Variants in ACTR10 observed in about 807,000 individuals in gnomAD.
The protein encoded by ACTR10 is actin-related protein 10.
In ACTR10, 43 loss-of-function variants were observed where a neutral mutation model predicts 56.2. That is an observed-to-expected ratio of 0.77 (90% confidence interval 0.60 to 0.99). ACTR10 has a LOEUF of 0.99. Ranked by LOEUF, ACTR10 falls within the 50% of genes least tolerant of loss-of-function variation. The pLI, the probability that ACTR10 is intolerant of heterozygous loss-of-function variation, is 0.00. For missense variants in ACTR10, 466 were observed against 507.8 expected (o/e 0.92, Z 0.79); for synonymous variants, 170 against 176.3 (o/e 0.96, Z 0.28).
At chr14:58,214,305 A>G (rs1487239273) in intron 6 of ACTR10, among the ~76,000 whole-genome samples, 1 of 152,080 alleles carries the variant, frequency 6.6e-6, no homozygotes, top group Non-Finnish European at 1.5e-5. Context: ...ACTTAACATA[A>G]TGATCTCCAG....
rs199506195 is a variant in ACTR10, at chr14:58,223,624, C to T, written c.637C>T (p.Arg213Cys). ...PEGVLEDIKARTCFVSDLKRG... is the reference protein window; with the variant it reads ...PEGVLEDIKACTCFVSDLKRG... ...AGGTCTCCTTTTCTTCCTTAAAGCG[C>T]GTACTTGCTTTGTAAGTGATCTGAA... The change falls in exon 9 of 13, where the codon CGT (arginine) becomes TGT (cysteine). Residue 213 changes from arginine to cysteine, a missense_variant and splice_region_variant. Arg to Cys is a radical substitution (Grantham distance 180). Transcript: ENST00000254286. 90 of 1,611,302 alleles carry T rather than the reference C, an allele frequency of 5.6e-5. No homozygotes were observed. Among genetic ancestry groups the T allele is most frequent in the African/African-American group, 1.1e-4 (8 of 74,782 alleles).
intron 11 of ACTR10, 42 bp downstream of exon 11, chr14:58,230,522 C>T (rs754547599): frequency 2.0e-6 from 2 of 1,020,754 alleles, no homozygotes; most frequent in Non-Finnish European, 1.4e-6. Flanking sequence ...TACCACAGTC[C>T]TTTAAATATA....
chr14:58,234,081 T>C (rs1446322765), intron 12 of ACTR10, among the ~76,000 whole-genome samples: 1 of 152,226 alleles, frequency 6.6e-6, no homozygotes, highest in East Asian at 1.9e-4. Context: ...GAAAATACTT[T>C]CACTCCACTC....
chr14:58,216,882 A>T (rs1384510193), intron 7 of ACTR10, among the ~76,000 whole-genome samples: 15 of 152,090 alleles, frequency 9.9e-5, no homozygotes, highest in Admixed American at 7.9e-4. Context: ...CCCCCAGGAG[A>T]CTTTGAGGAT....
intron 10 of ACTR10, among the ~76,000 whole-genome samples, chr14:58,228,117 A>T (rs1889442323): frequency 6.6e-6 from 1 of 152,216 alleles, no homozygotes; most frequent in Admixed American, 6.5e-5. Context: ...ATTTGAAATT[A>T]AAAGAAAAGA....
chr14:58,217,638 C>A (rs1889164703), intron 7 of ACTR10, among the ~76,000 whole-genome samples: 1 of 151,118 alleles, frequency 6.6e-6, no homozygotes. Flanking sequence ...TGCACTCCAA[C>A]CTGGGTGACA....
At chr14:58,230,698 T>C (rs988841805) in intron 11 of ACTR10, among the ~76,000 whole-genome samples, 7 of 152,162 alleles carry the variant, frequency 4.6e-5, no homozygotes, top group African/African-American at 1.7e-4. Context: ...TGAGTTTTAC[T>C]CTGGCACTGA....
At position 58,227,227 on chromosome 14, in the gene ACTR10, T is replaced by C. The variant is rs191724111; in HGVS notation, c.789-3172T>C. 3.4e-4 allele frequency among the ~76,000 whole-genome samples: 52 copies of C among 152,184 alleles called. No individual in the cohort carries two copies. The East Asian group carries it at 9.5e-3, about 28-fold the overall frequency. ...AGCTTAAAGTTACTAGGAATCAGTC[T>C]TGGTACAGAATCCATCTAGTTGGCT... On this transcript the variant is annotated intron_variant, in intron 10 of 12. Coordinates refer to ENST00000254286, the MANE Select transcript of ACTR10 (RefSeq NM_018477.3).
rs772298780 is a variant in ACTR10 at position 58,200,209 on chromosome 14, C to T, written c.-9C>T. Reference sequence around the variant, plus strand: ...CTGCGACCCTCTTCTCTCAGTCTGCCTTACTACCATGCCGCTCTACGAGGG... The same window carrying T: ...CTGCGACCCTCTTCTCTCAGTCTGCTTTACTACCATGCCGCTCTACGAGGG... On this transcript the variant is annotated 5_prime_UTR_variant, in exon 1 of 13. Coordinates refer to ENST00000254286, the MANE Select transcript of ACTR10 (RefSeq NM_018477.3). 9 of 1,530,914 alleles carry T rather than the reference C, an allele frequency of 5.9e-6. No individual in the cohort carries two copies. Among genetic ancestry groups the T allele is most frequent in the African/African-American group, 4.3e-5 (3 of 70,014 alleles). 94.8% of individuals were successfully genotyped at this position (1,530,914 alleles called of 1,614,324 possible). A position where few individuals can be genotyped will look rare whatever the true frequency, so the allele number is the denominator to read the frequency against.
At chr14:58,231,923 C>T (rs1487956159) in intron 11 of ACTR10, 143 bp from the exon 12 acceptor site, 6 of 403,266 alleles carry the variant, frequency 1.5e-5, no homozygotes, top group South Asian at 1.8e-4. Context: ...GCCCTTTTTG[C>T]GATACAAACG....
intron 7 of ACTR10, among the ~76,000 whole-genome samples, chr14:58,218,516 C>A (rs551291330): frequency 1.1e-4 from 17 of 151,988 alleles, no homozygotes; most frequent in Middle Eastern, 6.8e-3. Context: ...ATAAATAATT[C>A]TAAACTTATA....
intron 12 of ACTR10, among the ~76,000 whole-genome samples, chr14:58,232,563 G>A (rs2140066382): frequency 6.6e-6 from 1 of 151,570 alleles, no homozygotes; most frequent in East Asian, 2.0e-4. Flanking sequence ...CTGCAGGCGT[G>A]CACCACCACG....
intron 6 of ACTR10, 69 bp downstream of exon 6, chr14:58,213,767 G>A: frequency 8.1e-7 from 1 of 1,235,350 alleles, no homozygotes; most frequent in Non-Finnish European, 1.2e-6. Flanking sequence ...TCTGTTTGTT[G>A]ATCAGTGATC....
intron 11 of ACTR10, among the ~76,000 whole-genome samples, 180 bp downstream of exon 11, chr14:58,230,660 A>G (rs1889508517): frequency 6.6e-6 from 1 of 151,612 alleles, no homozygotes; most frequent in Non-Finnish European, 1.5e-5. Flanking sequence ...TAACTTTTTA[A>G]ACTTTCATTT....
chr14:58,200,262 G>T lies in ACTR10; in HGVS notation c.45G>T (p.Ala15=). 6.6e-7 allele frequency: 1 copy of T among 1,513,484 alleles called. No individual in the cohort carries two copies. The highest frequency in any genetic ancestry group is 8.8e-7 in the Non-Finnish European group (1 of 1,134,684). The allele number at this position is 1,513,484 out of a possible 1,614,324, so 93.8% of individuals were successfully genotyped here. ...TGGGGAGCGGCGGGGAGAAGACGGC[G>T]GTCGTGATCGACCTGGGAGAGGCCT... ...EGLGSGGEKT[A]VVIDLGEAFT... Residue 15 remains alanine, a synonymous_variant, in exon 1 of 13, where the codon GCG becomes GCT. Transcript: ENST00000254286.
At chr14:58,203,092 A>G (rs1180182566) in intron 2 of ACTR10, among the ~76,000 whole-genome samples, 165 bp downstream of exon 2, 1 of 152,174 alleles carries the variant, frequency 6.6e-6, no homozygotes, top group East Asian at 1.9e-4. Flanking sequence ...ACCTGAGATC[A>G]GGAGTTTGAG....
chr14:58,220,994 T>A (rs1372274058), intron 8 of ACTR10, among the ~76,000 whole-genome samples: 2 of 151,968 alleles, frequency 1.3e-5, no homozygotes, highest in African/African-American at 4.8e-5. Flanking sequence ...TAAAAACAAA[T>A]ATGCAGGGGC....
At chr14:58,211,141 A>G (rs1253228249) in intron 4 of ACTR10, 151 bp from the exon 5 acceptor site, 12 of 538,068 alleles carry the variant, frequency 2.2e-5, no homozygotes, top group South Asian at 1.6e-4. Context: ...CTAGTTCTTA[A>G]TTACTCTCAT....
Position 58,234,513 on chromosome 14 carries a change from C to T in ACTR10, c.1216C>T (p.Pro406Ser). 6.2e-7 allele frequency: 1 copy of T among 1,613,616 alleles called. No individual in the cohort carries two copies. The highest frequency in any genetic ancestry group is 8.5e-7 in the Non-Finnish European group (1 of 1,179,788). Residue 406 changes from proline to serine, a missense_variant, in exon 13 of 13, where the codon CCA becomes TCA. Transcript: ENST00000254286. ...EMMFDVGKTQ[P>S]PLMKRAFSTE... ...GATGTTTGATGTCGGGAAAACTCAA[C>T]CACCTCTGATGAAGAGAGCATTTTC...
Sources: allele counts gnomAD v4.1 joint callset (sites outside exome capture counted in the v4.1 genomes callset), GRCh38; gene constraint gnomAD v4.1.1; transcripts MANE v1.5; gene names NCBI Gene and HGNC (gene_info 2026-07-23, HGNC 2026-07-21).